The following PLPP1 variants were observed in gnomAD, a reference collection of about 807,000 sequenced individuals.
PLPP1 encodes the protein phospholipid phosphatase 1, also known as lipid phosphate phosphohydrolase 1a.
PLPP1 carries 24 observed loss-of-function variants against 31.2 expected under a neutral mutation model. The ratio of observed to expected loss-of-function variants is 0.77; its 90% CI spans 0.56 to 1.08. PLPP1 has a LOEUF of 1.08. Ranked by LOEUF, PLPP1 falls within the 50% of genes least tolerant of loss-of-function variation. The probability of loss-of-function intolerance (pLI) is 0.00; values close to 1 mark genes in which losing one functional copy is unlikely to be tolerated. For synonymous variants in PLPP1, 146 were observed against 126.3 expected, an observed-to-expected ratio of 1.16 and a Z score of -1.05; for missense variants, 319 against 342.7, an observed-to-expected ratio of 0.93 and a Z score of 0.55.
At chr5:55,480,345 C>T (rs1047068164) in intron 1 of PLPP1, among the ~76,000 whole-genome samples, 1 of 151,432 alleles carries the variant, frequency 6.6e-6, no homozygotes, top group African/African-American at 2.4e-5. Flanking sequence ...ACATATAATT[C>T]AATGGTTTTG....
chr5:55,480,111 G>A (rs1316319327), intron 1 of PLPP1, among the ~76,000 whole-genome samples: 1 of 152,010 alleles, frequency 6.6e-6, no homozygotes, highest in Non-Finnish European at 1.5e-5. Context: ...GAAGATTAAG[G>A]CAAAAGTGAA....
chr5:55,464,535 C>A (rs1164197912), intron 3 of PLPP1, among the ~76,000 whole-genome samples: 2 of 152,152 alleles, frequency 1.3e-5, no homozygotes, highest in African/African-American at 4.8e-5. Flanking sequence ...CCATACCCAG[C>A]CAGAACAGCT....
chr5:55,487,189 T>C (rs1049136412), intron 1 of PLPP1, among the ~76,000 whole-genome samples: 12 of 152,180 alleles, frequency 7.9e-5, no homozygotes, highest in African/African-American at 2.9e-4. Flanking sequence ...TACAAATTTT[T>C]AAATTTAGAC....
rs148416820 is a variant in PLPP1 at position 55,491,686 on chromosome 5, C to T, written c.59-16236G>A. On this transcript the variant is annotated intron_variant, in intron 1 of 5. Coordinates refer to ENST00000307259, the MANE Select transcript of PLPP1 (RefSeq NM_003711.4). ...GAGCCTGGCCAATATGATGAAACCC[C>T]GTCTCTACTAACAACACAAAAATTA... Among the ~76,000 whole-genome samples the T allele has an allele frequency of 2.3e-4, 35 of 151,698 alleles. No homozygotes were observed. In the East Asian group the frequency reaches 6.8e-3, roughly 29 times the overall value.
At chr5:55,504,466 A>G (rs963660434) in intron 1 of PLPP1, among the ~76,000 whole-genome samples, 1 of 134,752 alleles carries the variant, frequency 7.4e-6, no homozygotes, top group Non-Finnish European at 1.5e-5. Context: ...TGGAGGTTGC[A>G]GTGAGCCGAG....
intron 1 of PLPP1, 69 bp from the exon 2 acceptor site, chr5:55,475,519 A>AGT: frequency 7.3e-7 from 1 of 1,370,468 alleles, no homozygotes; most frequent in Non-Finnish European, 9.9e-7. Flanking sequence ...GGCAATAATT[A>AGT]TCCCACAGAC....
intron 4 of PLPP1, among the ~76,000 whole-genome samples, chr5:55,426,464 G>A (rs775334716): frequency 2.8e-4 from 43 of 152,012 alleles, no homozygotes; most frequent in Non-Finnish European, 6.0e-4. Flanking sequence ...CAGTGGTGGT[G>A]TAGTCATACT....
chr5:55,528,976 T>A (rs1438805036), intron 1 of PLPP1, among the ~76,000 whole-genome samples: 1 of 152,154 alleles, frequency 6.6e-6, no homozygotes, highest in African/African-American at 2.4e-5. Context: ...GTTGGTAGAA[T>A]CTTTCTCACT....
intron 1 of PLPP1, chr5:55,530,451 T>C (rs577910386): frequency 8.0e-7 from 1 of 1,257,666 alleles, no homozygotes; most frequent in Admixed American, 1.7e-5. Context: ...AGAACTTGTA[T>C]TCTCTTGGTA....
intron 3 of PLPP1, among the ~76,000 whole-genome samples, chr5:55,446,982 C>G (rs1024257103): frequency 6.6e-6 from 1 of 152,184 alleles, no homozygotes; most frequent in Non-Finnish European, 1.5e-5. Flanking sequence ...ATCTACAGCA[C>G]TAACTGACGC....
At chr5:55,443,192 A>AAATATATATATATATAT in intron 3 of PLPP1, among the ~76,000 whole-genome samples, 5 of 25,444 alleles carry the variant, frequency 2.0e-4, no homozygotes, top group Admixed American at 7.8e-4. Context: ...AAAAAAAAAA[A>AAATATATATATATATAT]ATATATATAT....
chr5:55,465,243 C>A (rs995287234), intron 3 of PLPP1, among the ~76,000 whole-genome samples: 26 of 152,092 alleles, frequency 1.7e-4, no homozygotes, highest in Non-Finnish European at 2.8e-4. Context: ...CAGGGTTTCA[C>A]CATGTTGGCC....
chr5:55,503,151 A>G (rs531013699), intron 1 of PLPP1, among the ~76,000 whole-genome samples: 2 of 152,332 alleles, frequency 1.3e-5, no homozygotes, highest in South Asian at 4.1e-4. Context: ...TCTTACTCCC[A>G]GAACTGTTCC....
chr5:55,490,600 T>C (rs1752868759), intron 1 of PLPP1, among the ~76,000 whole-genome samples: 2 of 152,204 alleles, frequency 1.3e-5, no homozygotes, highest in Admixed American at 6.5e-5. Flanking sequence ...AAAGCAAGCA[T>C]AATCTTAGTT....
At chr5:55,505,697 C>T (rs1463635641) in intron 1 of PLPP1, among the ~76,000 whole-genome samples, 3 of 152,070 alleles carry the variant, frequency 2.0e-5, no homozygotes, top group Admixed American at 6.6e-5. Flanking sequence ...TACCACAAGT[C>T]GAAACTTAAA....
At chr5:55,508,930 G>C (rs928191324) in intron 1 of PLPP1, 2 of 154,124 alleles carry the variant, frequency 1.3e-5, no homozygotes, top group South Asian at 2.0e-4. Context: ...AGTGAGGAGA[G>C]CAGAGAACAA....
chr5:55,526,707 C>A (rs887823862), intron 1 of PLPP1, among the ~76,000 whole-genome samples: 1 of 152,032 alleles, frequency 6.6e-6, no homozygotes, highest in East Asian at 1.9e-4. Context: ...CCGAGGTGGG[C>A]GGATCACGAG....
At chr5:55,524,402 A>C (rs917164819) in intron 1 of PLPP1, among the ~76,000 whole-genome samples, 6 of 152,144 alleles carry the variant, frequency 3.9e-5, no homozygotes, top group Admixed American at 2.6e-4. Context: ...GAGAGGGAGG[A>C]TATAGAGAAG....
At chr5:55,469,784 C>T (rs1249563941) in intron 2 of PLPP1, among the ~76,000 whole-genome samples, 1 of 152,162 alleles carries the variant, frequency 6.6e-6, no homozygotes, top group African/African-American at 2.4e-5. Flanking sequence ...CTTTCCTTAC[C>T]TGGCTCAATG....
Sources: allele counts gnomAD v4.1 joint callset (sites outside exome capture counted in the v4.1 genomes callset), GRCh38; gene constraint gnomAD v4.1.1; transcripts MANE v1.5; gene names NCBI Gene and HGNC (gene_info 2026-07-23, HGNC 2026-07-21).